The following TRPC5 variants were observed in gnomAD, a reference collection of about 807,000 sequenced individuals.
TRPC5 encodes the protein transient receptor potential cation channel subfamily C member 5.
In TRPC5, 9 loss-of-function variants were observed where a neutral mutation model predicts 56.5. The observed-to-expected ratio is 0.16, with a 90% CI of 0.10 to 0.28. The LOEUF (loss-of-function observed/expected upper bound fraction) is 0.28, where lower values mean the gene tolerates loss of function less well. Ranked by LOEUF, TRPC5 falls within the 10% of genes least tolerant of loss-of-function variation. TRPC5 has a pLI of 1.00. For synonymous variants in TRPC5, 282 were observed against 278.5 expected (o/e 1.01, Z -0.13); for missense variants, 469 against 748.9 (o/e 0.63, Z 4.36).
chrX:111,876,715 C>G (rs1257713693), intron 3 of TRPC5, among the ~76,000 whole-genome samples: 2 of 111,545 alleles, frequency 1.8e-5, no homozygotes, highest in African/African-American at 6.5e-5. Context: ...CCAGAATTCC[C>G]TGGCAATATT....
chrX:111,937,376 T>C (rs1214592746), intron 2 of TRPC5, among the ~76,000 whole-genome samples: 1 of 102,377 alleles, frequency 9.8e-6, no homozygotes, highest in Non-Finnish European at 2.0e-5. Context: ...ATTTTGGCTT[T>C]TGTTGCCATT....
intron 2 of TRPC5, among the ~76,000 whole-genome samples, chrX:111,925,799 A>T (rs1457869019): frequency 9.0e-6 from 1 of 111,307 alleles, no homozygotes; most frequent in Non-Finnish European, 1.9e-5. Context: ...GAGGTTAGAG[A>T]CCCCTTACCT....
At chrX:111,996,520 T>A (rs932766711) in intron 1 of TRPC5, among the ~76,000 whole-genome samples, 1 of 111,777 alleles carries the variant, frequency 8.9e-6, no homozygotes, top group African/African-American at 3.3e-5. Context: ...CAGAGCTGAG[T>A]TCAGGCCCTG....
intron 6 of TRPC5, among the ~76,000 whole-genome samples, chrX:111,841,908 G>A (rs918876407): frequency 6.6e-5 from 7 of 106,576 alleles, no homozygotes; most frequent in Non-Finnish European, 1.9e-5. Context: ...ACGGGATTTC[G>A]CCATGTTGGC....
chrX:111,983,785 G>T (rs1312819937), intron 1 of TRPC5, among the ~76,000 whole-genome samples: 1 of 111,053 alleles, frequency 9.0e-6, no homozygotes, highest in East Asian at 2.8e-4. Context: ...CCTGTATATT[G>T]TGTCAAACTG....
At chrX:111,909,221 T>C (rs1413768537) in intron 3 of TRPC5, among the ~76,000 whole-genome samples, 5 of 105,151 alleles carry the variant, frequency 4.8e-5, no homozygotes, top group African/African-American at 1.4e-4. Context: ...TCCCAACTAC[T>C]ATGGAGGCTG....
chrX:112,019,569 A>G (rs913767908), intron 1 of TRPC5, among the ~76,000 whole-genome samples: 19 of 110,033 alleles, frequency 1.7e-4, no homozygotes, highest in Admixed American at 6.8e-4. Flanking sequence ...CCGACTAGCC[A>G]GGACTACAGG....
At chrX:111,897,938 T>C (rs1270672110) in intron 3 of TRPC5, among the ~76,000 whole-genome samples, 1 of 110,923 alleles carries the variant, frequency 9.0e-6, no homozygotes, top group Non-Finnish European at 1.9e-5. Context: ...ATTAGTTTTA[T>C]AGGAAACTGA....
intron 1 of TRPC5, among the ~76,000 whole-genome samples, chrX:112,008,599 C>CAAAAAAAAAAAA (rs771663324): frequency 2.7e-5 from 2 of 74,042 alleles, no homozygotes; most frequent in African/African-American, 8.9e-5. Flanking sequence ...GACTCTGTCT[C>CAAAAAAAAAAAA]AAAAAAAAAA....
At chrX:112,020,329 T>C (rs759292124) in intron 1 of TRPC5, among the ~76,000 whole-genome samples, 1 of 112,294 alleles carries the variant, frequency 8.9e-6, no homozygotes, top group South Asian at 3.7e-4. Context: ...CAAGTAGTGA[T>C]GGAATTATTT....
rs146207832 is a variant in TRPC5, at chrX:111,910,155, T to G, written c.900+2136A>C. ...GTGAGGACTGTAAACTTTAGTTGTA[T>G]TCTGCAATTATCTATTTTTTAAAAA... On this transcript the variant is annotated intron_variant, in intron 3 of 10. Transcript: ENST00000262839. 4.8e-3 allele frequency among the ~76,000 whole-genome samples: 542 copies of G among 112,632 alleles called. 3 individuals carry two copies. The highest frequency in any genetic ancestry group is 0.016 in the African/African-American group (502 of 31,065).
chrX:112,010,490 T>C (rs1452326389), intron 1 of TRPC5, among the ~76,000 whole-genome samples: 1 of 111,734 alleles, frequency 8.9e-6, no homozygotes, highest in Non-Finnish European at 1.9e-5. Context: ...CTAGAGGGTA[T>C]AGCCTACTAG....
intron 1 of TRPC5, among the ~76,000 whole-genome samples, chrX:112,031,776 T>C (rs1225683312): frequency 9.1e-6 from 1 of 109,633 alleles, no homozygotes; most frequent in African/African-American, 3.3e-5. Context: ...ACCTTTTGTA[T>C]CTGACTTCTT....
At chrX:111,778,714 G>A (rs964843134) in intron 10 of TRPC5, among the ~76,000 whole-genome samples, 2 of 111,715 alleles carry the variant, frequency 1.8e-5, no homozygotes, top group South Asian at 3.8e-4. Flanking sequence ...ATCATTTAAA[G>A]CATTCAATTT....
chrX:111,964,284 G>GAAAGA (rs1213375878), intron 1 of TRPC5, among the ~76,000 whole-genome samples: 1 of 111,694 alleles, frequency 9.0e-6, no homozygotes, highest in Non-Finnish European at 1.9e-5. Flanking sequence ...AAAAAGAATA[G>GAAAGA]AAAGAAATGA....
chrX:112,048,575 A>T (rs1422416942), intron 1 of TRPC5, among the ~76,000 whole-genome samples: 1 of 108,703 alleles, frequency 9.2e-6, no homozygotes, highest in Non-Finnish European at 1.9e-5. Flanking sequence ...TTTGTGAGGG[A>T]GGGAAGGATT....
intron 7 of TRPC5, among the ~76,000 whole-genome samples, chrX:111,824,642 G>A (rs1005474153): frequency 3.6e-5 from 4 of 111,314 alleles, no homozygotes; most frequent in Non-Finnish European, 7.5e-5. Flanking sequence ...ACAGCAATGT[G>A]AGGACCCAGA....
chrX:111,808,019 G>A (rs375686105), intron 7 of TRPC5, among the ~76,000 whole-genome samples: 1 of 108,263 alleles, frequency 9.2e-6, no homozygotes, highest in Admixed American at 9.9e-5. Context: ...TGGAGTTGGG[G>A]GGAGGTAACA....
chrX:111,805,709 T>C (rs948348764), intron 7 of TRPC5, among the ~76,000 whole-genome samples: 1 of 111,579 alleles, frequency 9.0e-6, no homozygotes, highest in Non-Finnish European at 1.9e-5. Flanking sequence ...GGTATCACTC[T>C]GTCACCCAGG....
Sources: allele counts gnomAD v4.1 joint callset (sites outside exome capture counted in the v4.1 genomes callset), GRCh38; gene constraint gnomAD v4.1.1; transcripts MANE v1.5; gene names NCBI Gene and HGNC (gene_info 2026-07-23, HGNC 2026-07-21).